Variants in CSMD1 observed in about 807,000 individuals in gnomAD.
The protein encoded by CSMD1 is CUB and Sushi multiple domains 1, also known as CUB and sushi domain-containing protein 1.
In CSMD1, 213 loss-of-function variants were observed where a neutral mutation model predicts 417.5. That is an observed-to-expected ratio of 0.51 (90% CI 0.46 to 0.57). The LOEUF is 0.57. Among genes scored for constraint, CSMD1 ranks in the 20% least tolerant of loss-of-function variants. The probability of loss-of-function intolerance (pLI) is 0.00; values close to 1 mark genes in which losing one functional copy is unlikely to be tolerated. For missense variants in CSMD1, 6,923 were observed against 4,529.7 expected (o/e 1.53, Z -15.17); for synonymous variants, 2,862 against 1,736.8 (o/e 1.65, Z -16.11).
intron 10 of CSMD1, among the ~76,000 whole-genome samples, chr8:3,529,212 T>G (rs1410016424): frequency 6.6e-6 from 1 of 152,104 alleles, no homozygotes; most frequent in African/African-American, 2.4e-5. Context: ...AAGTCAAGAG[T>G]TGTGTTATTA....
At chr8:3,671,498 T>TATATATATATGATC (rs1799038217) in intron 7 of CSMD1, among the ~76,000 whole-genome samples, 2 of 5,372 alleles carry the variant, frequency 3.7e-4, no homozygotes, top group Non-Finnish European at 7.4e-4. Flanking sequence ...TATATGATCA[T>TATATATATATGATC]ATATATATAT....
intron 10 of CSMD1, among the ~76,000 whole-genome samples, chr8:3,504,595 G>C (rs962321106): frequency 1.3e-5 from 2 of 152,128 alleles, no homozygotes; most frequent in Non-Finnish European, 2.9e-5. Context: ...AATCTCACGA[G>C]TCTTTATAAC....
chr8:4,750,500 T>C (rs146024908), intron 1 of CSMD1, among the ~76,000 whole-genome samples: 1 of 152,310 alleles, frequency 6.6e-6, no homozygotes, highest in East Asian at 1.9e-4. Context: ...TTCATAGTCA[T>C]TATTATATTT....
chr8:3,742,722 G>A (rs1404019394), intron 6 of CSMD1, among the ~76,000 whole-genome samples: 1 of 151,250 alleles, frequency 6.6e-6, no homozygotes, highest in South Asian at 2.1e-4. Context: ...TAGGATCAGA[G>A]AGAGAGAGAG....
chr8:4,943,146 A>G (rs1026080555), intron 1 of CSMD1, among the ~76,000 whole-genome samples: 1 of 152,188 alleles, frequency 6.6e-6, no homozygotes, highest in African/African-American at 2.4e-5. Context: ...TTCACTTCTA[A>G]TCAGTTAGTA....
intron 3 of CSMD1, among the ~76,000 whole-genome samples, chr8:4,321,195 C>T (rs1799254525): frequency 1.3e-5 from 2 of 152,164 alleles, no homozygotes; most frequent in South Asian, 2.1e-4. Flanking sequence ...TAGGGTTCAA[C>T]ATGTGTGTCC....
chr8:3,831,425 A>G (rs892592998), intron 5 of CSMD1, among the ~76,000 whole-genome samples: 24 of 152,156 alleles, frequency 1.6e-4, no homozygotes, highest in East Asian at 1.5e-3. Flanking sequence ...CCAAAGCTAT[A>G]TTAAAATTCC....
At chr8:4,678,466 T>C (rs1805833465) in intron 1 of CSMD1, among the ~76,000 whole-genome samples, 1 of 152,140 alleles carries the variant, frequency 6.6e-6, no homozygotes, top group Non-Finnish European at 1.5e-5. Context: ...ATTTTTATTA[T>C]CATTTATATG....
intron 5 of CSMD1, among the ~76,000 whole-genome samples, chr8:3,881,410 C>G (rs1806194691): frequency 6.6e-6 from 1 of 151,372 alleles, no homozygotes; most frequent in South Asian, 2.1e-4. Flanking sequence ...CCGAGGCAGG[C>G]AGATCACAAG....
intron 1 of CSMD1, among the ~76,000 whole-genome samples, chr8:4,855,076 C>A (rs1801712611): frequency 6.6e-6 from 1 of 152,020 alleles, no homozygotes; most frequent in African/African-American, 2.4e-5. Context: ...TGAGAACGGG[C>A]AGACTGCCTC....
chr8:4,630,847 G>T (rs1221923094), intron 2 of CSMD1, among the ~76,000 whole-genome samples: 2 of 152,092 alleles, frequency 1.3e-5, no homozygotes, highest in East Asian at 1.9e-4. Context: ...TACTTCCCTG[G>T]AACTATCCAG....
At position 3,558,558 on chromosome 8, in the gene CSMD1, C is replaced by T. The variant is rs562271428; in HGVS notation, c.1344+16387G>A. Among the ~76,000 whole-genome samples the T allele has an allele frequency of 2.6e-3, 384 of 145,824 alleles. 1 individual carries two copies. Among genetic ancestry groups the T allele is most frequent in the Non-Finnish European group, 4.1e-3 (274 of 66,186 alleles). Reference sequence around the variant, plus strand: ...GATGAACGGTGTCTCAATGGTACCCCGTGTCCACTCCTGCAATGATGAATG... The same window carrying T: ...GATGAACGGTGTCTCAATGGTACCCTGTGTCCACTCCTGCAATGATGAATG... On this transcript the variant is annotated intron_variant, in intron 10 of 69. Coordinates refer to ENST00000635120, the MANE Select transcript of CSMD1 (RefSeq NM_033225.6).
intron 5 of CSMD1, among the ~76,000 whole-genome samples, chr8:3,823,248 G>C (rs959839380): frequency 1.3e-5 from 2 of 152,126 alleles, no homozygotes; most frequent in Admixed American, 6.5e-5. Context: ...AAATAGCTGA[G>C]AACTTCAAAG....
chr8:3,714,568 A>C (rs1425170820), intron 6 of CSMD1, among the ~76,000 whole-genome samples: 1 of 145,360 alleles, frequency 6.9e-6, no homozygotes, highest in Non-Finnish European at 1.5e-5. Context: ...TCCCAAAAAA[A>C]AAAAAAAAAA....
chr8:4,824,110 A>T (rs201991856), intron 1 of CSMD1, among the ~76,000 whole-genome samples: 11 of 137,866 alleles, frequency 8.0e-5, no homozygotes, highest in Admixed American at 7.3e-4. Context: ...ACACACACAC[A>T]CTCTCCCTCT....
chr8:3,367,494 G>T (rs1809673695), intron 19 of CSMD1, among the ~76,000 whole-genome samples: 1 of 151,616 alleles, frequency 6.6e-6, no homozygotes, highest in South Asian at 2.1e-4. Flanking sequence ...GGTTAGGAGA[G>T]GTAACAATTG....
At chr8:4,080,038 A>C (rs1248112105) in intron 3 of CSMD1, among the ~76,000 whole-genome samples, 1 of 151,624 alleles carries the variant, frequency 6.6e-6, no homozygotes, top group African/African-American at 2.4e-5. Context: ...AAGGGTGGTG[A>C]GTGGCCCAGC....
At chr8:3,549,208 G>A (rs578121935) in intron 10 of CSMD1, among the ~76,000 whole-genome samples, 2 of 152,326 alleles carry the variant, frequency 1.3e-5, no homozygotes, top group African/African-American at 2.4e-5. Context: ...TCTTGGTAAA[G>A]CCTCATAAGC....
chr8:3,790,374 G>A (rs999473544), intron 5 of CSMD1, among the ~76,000 whole-genome samples: 1 of 152,106 alleles, frequency 6.6e-6, no homozygotes, highest in African/African-American at 2.4e-5. Context: ...TGACGGTGAT[G>A]GTTATGATGA....
Sources: gnomAD v4.1 joint callset for allele counts (sites outside exome capture counted in the v4.1 genomes callset) on GRCh38, gnomAD v4.1.1 for gene constraint, MANE v1.5 for transcripts, NCBI Gene and HGNC (gene_info 2026-07-23, HGNC 2026-07-21) for gene names.